REPS1: variants seen among roughly 807,000 people sequenced by gnomAD.
The protein encoded by REPS1 is RALBP1 associated Eps domain containing 1.
A neutral mutation model predicts 100.9 loss-of-function variants in REPS1; 39 were observed. That is an observed-to-expected ratio of 0.39 (90% confidence interval 0.30 to 0.50). The LOEUF is 0.50. Among genes scored for constraint, REPS1 ranks in the 20% least tolerant of loss-of-function variants. The pLI, the probability that REPS1 is intolerant of heterozygous loss-of-function variation, is 0.86. For missense variants in REPS1, 821 were observed against 968.5 expected (o/e 0.85, Z 2.02); for synonymous variants, 324 against 340.3 (o/e 0.95, Z 0.53).
chr6:138,947,035 GCTCTCTCTCTCTCTCTCTCT>G (rs10581264), intron 2 of REPS1, among the ~76,000 whole-genome samples: 4 of 137,636 alleles, frequency 2.9e-5, no homozygotes, highest in Non-Finnish European at 4.6e-5. Flanking sequence ...ATTCCCCCTT[GCTCTCTCTCTCTCTCTCTCT>G]CTCTCTCTCT....
chr6:138,968,242 A>G (rs1450123703), intron 1 of REPS1, among the ~76,000 whole-genome samples: 2 of 152,214 alleles, frequency 1.3e-5, no homozygotes, highest in African/African-American at 2.4e-5. Flanking sequence ...CTTCAACTTA[A>G]AAACTCCATC....
At position 138,908,455 on chromosome 6, in the gene REPS1, C is replaced by A. The variant is rs533153587; in HGVS notation, c.2216+213G>T. Among the ~76,000 whole-genome samples the A allele has an allele frequency of 3.9e-5, 6 of 152,134 alleles. No homozygotes were observed. In the East Asian group the frequency reaches 1.2e-3, roughly 29 times the overall value. On this transcript the variant is annotated intron_variant, in intron 18 of 19. Transcript: ENST00000450536. The stretch of plus-strand genomic sequence containing the variant: ...GACTACAGGTGTGTACCACCACACC[C>A]GGCTAATTTTTTTGTATTTTTAGCA...
rs1401131663 is a variant in REPS1, at chr6:138,945,252, G to A, written c.595C>T (p.Pro199Ser). ...GCTTCACCAAAGGGAGACCAAAATGGCCCAGGTCCCGCGAGAGGCCTCTCA... is the reference window on the plus strand; with the variant it reads ...GCTTCACCAAAGGGAGACCAAAATGACCCAGGTCCCGCGAGAGGCCTCTCA... Reference protein sequence around the residue: ...NSERPLAGPGPFWSPFGEAQS... With the variant: ...NSERPLAGPGSFWSPFGEAQS... The change falls in exon 4 of 20, where the codon CCA (proline) becomes TCA (serine). Residue 199 changes from proline (P) to serine (S), a missense_variant. Around this residue, in one of 3 missense-constraint regions of REPS1, gnomAD observed 757 missense variants for 866.4 expected, o/e 0.87. Transcript: ENST00000450536. The A allele has an allele frequency of 1.9e-6, 3 of 1,610,450 alleles. No individual in the cohort carries two copies. The highest frequency in any genetic ancestry group is 3.3e-5 in the Admixed American group (2 of 59,790).
chr6:138,944,428 A>G, intron 5 of REPS1, 70 bp downstream of exon 5: 1 of 1,522,676 alleles, frequency 6.6e-7, no homozygotes, highest in South Asian at 1.3e-5. Flanking sequence ...ACAGCAAAAT[A>G]TAAAAACAAC....
In REPS1 at chr6:138,915,033, A is replaced by T. The variant is rs556192747; in HGVS notation, c.1721-272T>A. 15 of 388,782 alleles carry T rather than the reference A, an allele frequency of 3.9e-5. No individual in the cohort carries two copies. The South Asian group carries it at 5.7e-4, about 15-fold the overall frequency. The allele number at this position is 388,782 out of a possible 1,614,324, so 24.1% of individuals were successfully genotyped here. On this transcript the variant is annotated intron_variant, in intron 14 of 19. Coordinates refer to ENST00000450536, the MANE Select transcript of REPS1 (RefSeq NM_001286611.2). ...ATTCCCATAATAGCAAACAATCTTGATTTTCTTCGTGTATCTCTGACTGCT... is the reference window on the plus strand; with the variant it reads ...ATTCCCATAATAGCAAACAATCTTGTTTTTCTTCGTGTATCTCTGACTGCT...
At chr6:138,971,877 C>T (rs112693733) in intron 1 of REPS1, among the ~76,000 whole-genome samples, 3 of 152,182 alleles carry the variant, frequency 2.0e-5, no homozygotes, top group African/African-American at 4.8e-5. Flanking sequence ...ATCCCAATCA[C>T]GTCTATGAAT....
chr6:138,968,115 G>A (rs1467517637), intron 1 of REPS1, among the ~76,000 whole-genome samples: 1 of 152,188 alleles, frequency 6.6e-6, no homozygotes, highest in Non-Finnish European at 1.5e-5. Flanking sequence ...AAGTTGAGGA[G>A]TGTACTGAAT....
intron 8 of REPS1, among the ~76,000 whole-genome samples, chr6:138,938,966 G>C (rs964432736): frequency 6.6e-6 from 1 of 151,718 alleles, no homozygotes; most frequent in African/African-American, 2.4e-5. Context: ...TCCTGCCTCA[G>C]CTTCCTGAGT....
chr6:138,938,557 A>C (rs776853650), intron 8 of REPS1, among the ~76,000 whole-genome samples: 7 of 152,208 alleles, frequency 4.6e-5, no homozygotes, highest in Non-Finnish European at 1.0e-4. Flanking sequence ...GTGCCTGGCA[A>C]AGTTGTATGT....
At chr6:138,916,349 T>A (rs1366873882) in intron 13 of REPS1, 1 of 212,000 alleles carries the variant, frequency 4.7e-6, no homozygotes, top group African/African-American at 2.4e-5. Flanking sequence ...GCCTCCCAAG[T>A]AACTGGGATT....
chr6:138,954,502 T>TAA lies in REPS1; in HGVS notation c.154-6591_154-6590dup, dbSNP rs34061496. Among the ~76,000 whole-genome samples, 1,283 of 134,624 alleles carry TAA rather than the reference T, an allele frequency of 9.5e-3. 14 individuals carry two copies. Among genetic ancestry groups the TAA allele is most frequent in the African/African-American group, 0.027 (981 of 36,540 alleles). 88.3% of individuals were successfully genotyped at this position (134,624 alleles called of 152,430 possible). ...TAAAACTAACAATAGATGATGAGCT[T>TAA]AAAAAAAAAAAAAAAAAGAATCCCC... On this transcript the variant is annotated intron_variant, in intron 1 of 19. Transcript: ENST00000450536.
intron 8 of REPS1, among the ~76,000 whole-genome samples, chr6:138,939,055 A>C (rs1782055480): frequency 6.6e-6 from 1 of 152,022 alleles, no homozygotes; most frequent in African/African-American, 2.4e-5. Context: ...ACGGACCCAC[A>C]GTGTCACAAG....
At chr6:138,979,578 A>G (rs976763248) in intron 1 of REPS1, among the ~76,000 whole-genome samples, 3 of 152,250 alleles carry the variant, frequency 2.0e-5, no homozygotes, top group Non-Finnish European at 4.4e-5. Flanking sequence ...GCCAAATCCA[A>G]TGGCCACATT....
Position 138,988,097 on chromosome 6 carries a change from T to G in REPS1, c.-415A>C. 2.5e-6 allele frequency: 1 copy of G among 398,072 alleles called. No individual in the cohort carries two copies. Among genetic ancestry groups the G allele is most frequent in the African/African-American group, 2.1e-5 (1 of 48,700 alleles). 24.7% of individuals were successfully genotyped at this position (398,072 alleles called of 1,614,324 possible). On this transcript the variant is annotated 5_prime_UTR_variant, in exon 1 of 20. Coordinates refer to ENST00000450536, the MANE Select transcript of REPS1 (RefSeq NM_001286611.2). ...CTTCCCGCCTCGGCTTCCCCTTCCGTCCACGCCTCCGGAGCGGCAGCGCTT... is the reference window on the plus strand; with the variant it reads ...CTTCCCGCCTCGGCTTCCCCTTCCGGCCACGCCTCCGGAGCGGCAGCGCTT...
At chr6:138,915,790 A>ATGTTTCTATTTTATTTTTGTATG (rs1309790245) in intron 14 of REPS1, 68 bp downstream of exon 14, 2 of 1,126,214 alleles carry the variant, frequency 1.8e-6, no homozygotes, top group African/African-American at 3.2e-5. Flanking sequence ...CAAAAATAAA[A>ATGTTTCTATTTTATTTTTGTATG]TGTGTATGTG....
intron 3 of REPS1, 45 bp downstream of exon 3, chr6:138,945,456 T>C (rs934645084): frequency 7.6e-6 from 12 of 1,580,478 alleles, no homozygotes; most frequent in East Asian, 6.7e-5. Flanking sequence ...TAGTGAAGCA[T>C]TTGCACAGGG....
intron 10 of REPS1, among the ~76,000 whole-genome samples, chr6:138,924,073 T>C (rs1319996513): frequency 6.6e-6 from 1 of 152,114 alleles, no homozygotes; most frequent in Non-Finnish European, 1.5e-5. Context: ...AAGTATCAAA[T>C]GAAGGTTAAG....
At chr6:138,908,439 T>C (rs1221328263) in intron 18 of REPS1, among the ~76,000 whole-genome samples, 2 of 152,044 alleles carry the variant, frequency 1.3e-5, no homozygotes, top group African/African-American at 2.4e-5. Flanking sequence ...GGACTACAGG[T>C]GTGTACCACC....
At chr6:138,960,387 C>A (rs368532298) in intron 1 of REPS1, among the ~76,000 whole-genome samples, 1 of 151,336 alleles carries the variant, frequency 6.6e-6, no homozygotes, top group African/African-American at 2.4e-5. Context: ...TTGATATTAC[C>A]ATATGAGAAT....
Sources: allele counts gnomAD v4.1 joint callset (sites outside exome capture counted in the v4.1 genomes callset), GRCh38; gene constraint gnomAD v4.1.1; regional missense constraint gnomAD v4.1.1; transcripts MANE v1.5; gene names NCBI Gene and HGNC (gene_info 2026-07-23, HGNC 2026-07-21).